Variants in MTREX observed in about 807,000 individuals in gnomAD.
MTREX encodes Mtr4 exosome RNA helicase.
MTREX carries 76 observed loss-of-function variants against 135.4 expected under a neutral mutation model. That is an observed-to-expected ratio of 0.56 (90% confidence interval 0.47 to 0.68). The LOEUF (loss-of-function observed/expected upper bound fraction) is 0.68. Among genes scored for constraint, MTREX ranks in the 30% least tolerant of loss-of-function variants. The pLI, the probability that MTREX is intolerant of heterozygous loss-of-function variation, is 0.00. For synonymous variants in MTREX, 404 were observed against 401.6 expected, an observed-to-expected ratio of 1.01 and a Z score of -0.07; for missense variants, 920 against 1,262.1, an observed-to-expected ratio of 0.73 and a Z score of 4.11.
At chr5:55,345,235 A>G (rs1749710694) in intron 10 of MTREX, 39 bp downstream of exon 10, 3 of 1,290,454 alleles carry the variant, frequency 2.3e-6, no homozygotes, top group South Asian at 2.4e-5. Context: ...TTTACATGTA[A>G]ATTGTATATT....
intron 22 of MTREX, 31 bp downstream of exon 22, chr5:55,405,619 A>ATTT: frequency 7.0e-7 from 1 of 1,435,990 alleles, no homozygotes; most frequent in Non-Finnish European, 9.4e-7. Context: ...TAGAAAGTTC[A>ATTT]TTTTTTTTTT....
intron 14 of MTREX, among the ~76,000 whole-genome samples, chr5:55,358,211 C>G (rs145412595): frequency 5.4e-4 from 82 of 152,222 alleles, no homozygotes; most frequent in African/African-American, 1.8e-3. Context: ...TTCCCAGAAG[C>G]TGTCATATAT....
At chr5:55,335,269 G>C (rs199968907) in intron 5 of MTREX, among the ~76,000 whole-genome samples, 4 of 151,898 alleles carry the variant, frequency 2.6e-5, no homozygotes, top group Admixed American at 2.6e-4. Flanking sequence ...TCTGTGGCTT[G>C]TCTCAATTTC....
chr5:55,424,497 A>G (rs2111640861), intron 26 of MTREX: 1 of 460,250 alleles, frequency 2.2e-6, no homozygotes, highest in South Asian at 3.5e-5. Flanking sequence ...GCCAGCCCCC[A>G]TGGAGTATTT....
At chr5:55,354,624 G>A (rs1749880623) in intron 14 of MTREX, among the ~76,000 whole-genome samples, 1 of 151,704 alleles carries the variant, frequency 6.6e-6, no homozygotes, top group African/African-American at 2.4e-5. Flanking sequence ...AGTATGGTGA[G>A]GCAGTGACAT....
At chr5:55,398,080 A>G (rs1366341602) in intron 20 of MTREX, among the ~76,000 whole-genome samples, 1 of 152,134 alleles carries the variant, frequency 6.6e-6, no homozygotes, top group Non-Finnish European at 1.5e-5. Context: ...AAACTAATTT[A>G]AAAAGAAATT....
chr5:55,407,831 G>A (rs1213108549), intron 22 of MTREX, among the ~76,000 whole-genome samples: 2 of 152,062 alleles, frequency 1.3e-5, no homozygotes, highest in African/African-American at 2.4e-5. Flanking sequence ...TCGGCTCACC[G>A]CAGCCTCAAC....
chr5:55,372,676 A>G (rs1469783500), intron 16 of MTREX, among the ~76,000 whole-genome samples: 2 of 152,162 alleles, frequency 1.3e-5, no homozygotes, highest in Non-Finnish European at 2.9e-5. Context: ...TGCTGAAACA[A>G]AAGGATTGCA....
At chr5:55,365,622 A>G (rs985003412) in intron 15 of MTREX, among the ~76,000 whole-genome samples, 1 of 152,232 alleles carries the variant, frequency 6.6e-6, no homozygotes, top group Non-Finnish European at 1.5e-5. Context: ...TTCTACATGT[A>G]TCGTCCGAGA....
At chr5:55,407,252 T>C (rs1021187330) in intron 22 of MTREX, among the ~76,000 whole-genome samples, 2 of 152,190 alleles carry the variant, frequency 1.3e-5, no homozygotes, top group Non-Finnish European at 2.9e-5. Flanking sequence ...AGGACAACTC[T>C]TAGCCACCAA....
At chr5:55,374,953 G>A (rs528753059) in intron 16 of MTREX, among the ~76,000 whole-genome samples, 15 of 152,290 alleles carry the variant, frequency 9.8e-5, no homozygotes, top group South Asian at 8.3e-4. Flanking sequence ...AAAGCCGGGC[G>A]TCCAGGGGAG....
At chr5:55,407,215 T>A (rs1393751985) in intron 22 of MTREX, among the ~76,000 whole-genome samples, 2 of 152,210 alleles carry the variant, frequency 1.3e-5, no homozygotes. Flanking sequence ...TCAGATGTCT[T>A]CATAGAACCA....
At chr5:55,319,060 A>G (rs1283712363) in intron 1 of MTREX, among the ~76,000 whole-genome samples, 1 of 152,126 alleles carries the variant, frequency 6.6e-6, no homozygotes, top group Non-Finnish European at 1.5e-5. Flanking sequence ...GCATATGTAT[A>G]TGTGTATGTT....
chr5:55,311,679 A>T (rs1323064164), intron 1 of MTREX, among the ~76,000 whole-genome samples: 4 of 152,210 alleles, frequency 2.6e-5, no homozygotes, highest in African/African-American at 9.6e-5. Context: ...TTAAAATATG[A>T]CTTGTCAGAA....
intron 19 of MTREX, among the ~76,000 whole-genome samples, chr5:55,389,244 T>C (rs1020033750): frequency 2.0e-5 from 3 of 152,220 alleles, no homozygotes; most frequent in African/African-American, 7.2e-5. Context: ...ATATACTCTT[T>C]GTCCCCAAAG....
At chr5:55,398,229 GA>G (rs200438303) in intron 20 of MTREX, among the ~76,000 whole-genome samples, 9,074 of 150,930 alleles carry the variant, frequency 0.06, 494 homozygotes, top group African/African-American at 0.12. Context: ...AACAGAGTGA[GA>G]ACTTGTCTCT....
intron 5 of MTREX, among the ~76,000 whole-genome samples, chr5:55,333,908 TCAC>T (rs2112046613): frequency 6.6e-6 from 1 of 152,244 alleles, no homozygotes; most frequent in South Asian, 2.1e-4. Context: ...GCAGCGCTAT[TCAC>T]AATAGCCAAA....
chr5:55,372,590 A>G (rs1199112010), intron 16 of MTREX, among the ~76,000 whole-genome samples: 1 of 152,150 alleles, frequency 6.6e-6, no homozygotes, highest in East Asian at 1.9e-4. Flanking sequence ...GCAGTTTGAT[A>G]AAGATCAGTG....
At chr5:55,312,284 A>G (rs182093625) in intron 1 of MTREX, among the ~76,000 whole-genome samples, 2 of 152,306 alleles carry the variant, frequency 1.3e-5, no homozygotes, top group East Asian at 1.9e-4. Context: ...TCCTTTAACA[A>G]TTTTTAAGGA....
Sources: allele counts gnomAD v4.1 joint callset (sites outside exome capture counted in the v4.1 genomes callset), GRCh38; gene constraint gnomAD v4.1.1; transcripts MANE v1.5; gene names NCBI Gene and HGNC (gene_info 2026-07-23, HGNC 2026-07-21).